UNC5D: variants seen among roughly 807,000 people sequenced by gnomAD.
The protein encoded by UNC5D is unc-5 netrin receptor D, also known as netrin receptor UNC5D.
Under a neutral mutation model 105.4 loss-of-function variants are expected in UNC5D, and 39 were observed. The observed-to-expected ratio is 0.37, with a 90% CI of 0.29 to 0.48. UNC5D has a LOEUF of 0.48. UNC5D is among the 20% of genes least tolerant of loss of function. UNC5D has a pLI of 0.98. For missense variants in UNC5D, 991 were observed against 1,202.4 expected (o/e 0.82, Z 2.60); for synonymous variants, 452 against 450.4 (o/e 1.00, Z -0.04).
At chr8:35,521,315 T>C (rs550702619) in intron 1 of UNC5D, among the ~76,000 whole-genome samples, 1 of 152,146 alleles carries the variant, frequency 6.6e-6, no homozygotes, top group Non-Finnish European at 1.5e-5. Flanking sequence ...TCTGATACTC[T>C]ATGTAAATGA....
At chr8:35,236,955 C>T (rs529497238) in intron 1 of UNC5D, among the ~76,000 whole-genome samples, 1 of 152,230 alleles carries the variant, frequency 6.6e-6, no homozygotes, top group South Asian at 2.1e-4. Context: ...ACTTCACCTG[C>T]TCTGTTCGGT....
intron 2 of UNC5D, among the ~76,000 whole-genome samples, chr8:35,553,355 TAA>T (rs879766092): frequency 7.2e-6 from 1 of 138,972 alleles, no homozygotes. Context: ...TCTACTTCCT[TAA>T]AAAAAAAAAA....
intron 1 of UNC5D, among the ~76,000 whole-genome samples, chr8:35,410,748 G>A (rs770941427): frequency 6.6e-6 from 1 of 152,034 alleles, no homozygotes; most frequent in Admixed American, 6.6e-5. Context: ...GAGTCTCAAA[G>A]AGATTATGTA....
At chr8:35,699,664 C>T (rs1827040054) in intron 7 of UNC5D, among the ~76,000 whole-genome samples, 2 of 152,110 alleles carry the variant, frequency 1.3e-5, no homozygotes, top group South Asian at 4.1e-4. Flanking sequence ...CATGAGTACG[C>T]TCAGATTGCA....
chr8:35,357,037 G>T (rs1801597706), intron 1 of UNC5D, among the ~76,000 whole-genome samples: 1 of 152,012 alleles, frequency 6.6e-6, no homozygotes, highest in African/African-American at 2.4e-5. Context: ...ACTGAACTGT[G>T]GAAAAAGAAA....
At chr8:35,522,313 C>T (rs1174344118) in intron 1 of UNC5D, among the ~76,000 whole-genome samples, 1 of 152,180 alleles carries the variant, frequency 6.6e-6, no homozygotes, top group African/African-American at 2.4e-5. Context: ...CTGATCTAAA[C>T]TCAATTCTCC....
At chr8:35,411,304 C>T (rs1394137637) in intron 1 of UNC5D, among the ~76,000 whole-genome samples, 1 of 152,042 alleles carries the variant, frequency 6.6e-6, no homozygotes, top group Non-Finnish European at 1.5e-5. Context: ...GTTGTTTAAA[C>T]CTGTTGCAAG....
chr8:35,577,716 A>T (rs1563553343), intron 3 of UNC5D, among the ~76,000 whole-genome samples: 1 of 152,228 alleles, frequency 6.6e-6, no homozygotes, highest in Non-Finnish European at 1.5e-5. Context: ...AAAACTGGAT[A>T]TTTATATAAT....
intron 4 of UNC5D, among the ~76,000 whole-genome samples, chr8:35,683,068 C>A (rs1211794651): frequency 6.6e-6 from 1 of 152,226 alleles, no homozygotes; most frequent in African/African-American, 2.4e-5. Context: ...GGTACAATCT[C>A]AAACCTTTAT....
intron 1 of UNC5D, among the ~76,000 whole-genome samples, chr8:35,421,163 C>T (rs1170949403): frequency 6.6e-6 from 1 of 152,140 alleles, no homozygotes; most frequent in Admixed American, 6.5e-5. Context: ...TCTAAACGTG[C>T]CTCAGTGGTT....
intron 1 of UNC5D, among the ~76,000 whole-genome samples, chr8:35,290,056 G>GA (rs2128860122): frequency 6.6e-6 from 1 of 152,228 alleles, no homozygotes; most frequent in Non-Finnish European, 1.5e-5. Flanking sequence ...AGGATATGGA[G>GA]AAAAAGGAAC....
intron 1 of UNC5D, among the ~76,000 whole-genome samples, chr8:35,275,434 T>A (rs1299822544): frequency 6.6e-6 from 1 of 152,220 alleles, no homozygotes; most frequent in East Asian, 1.9e-4. Context: ...CAAGTCAATG[T>A]GGCAAAATGT....
intron 1 of UNC5D, among the ~76,000 whole-genome samples, chr8:35,480,676 T>G (rs949243474): frequency 1.3e-5 from 2 of 152,306 alleles, no homozygotes; most frequent in African/African-American, 4.8e-5. Flanking sequence ...TTTTGAGGCT[T>G]ACATTCTAGC....
At chr8:35,704,463 C>T (rs16884271) in intron 7 of UNC5D, among the ~76,000 whole-genome samples, 46,705 of 152,072 alleles carry the variant, frequency 0.31, 11,462 homozygotes, top group African/African-American at 0.67. Flanking sequence ...AAATGTGTAC[C>T]GTACAGGATT....
At chr8:35,737,657 C>T (rs1338108360) in intron 11 of UNC5D, among the ~76,000 whole-genome samples, 1 of 152,176 alleles carries the variant, frequency 6.6e-6, no homozygotes, top group African/African-American at 2.4e-5. Context: ...ATTATGCCTA[C>T]CTGCTTCATT....
intron 2 of UNC5D, among the ~76,000 whole-genome samples, chr8:35,552,012 GTA>G (rs1173185387): frequency 6.6e-6 from 1 of 152,110 alleles, no homozygotes; most frequent in African/African-American, 2.4e-5. Flanking sequence ...CTGAACTACT[GTA>G]GGATTGCAGT....
At chr8:35,594,182 A>G (rs1231087070) in intron 3 of UNC5D, among the ~76,000 whole-genome samples, 1 of 152,188 alleles carries the variant, frequency 6.6e-6, no homozygotes, top group East Asian at 1.9e-4. Flanking sequence ...TGCCTTATAT[A>G]TACTCATGAA....
chr8:35,388,060 A>G (rs1803536825), intron 1 of UNC5D, among the ~76,000 whole-genome samples: 1 of 152,162 alleles, frequency 6.6e-6, no homozygotes, highest in Admixed American at 6.5e-5. Flanking sequence ...AGACCTGCTC[A>G]GGAATCAGAT....
intron 4 of UNC5D, among the ~76,000 whole-genome samples, chr8:35,601,277 A>G (rs1819864245): frequency 1.3e-5 from 2 of 152,160 alleles, no homozygotes; most frequent in Non-Finnish European, 2.9e-5. Context: ...TGACTTGGCA[A>G]TGTGGGCTCT....
Sources: gnomAD v4.1 joint callset for allele counts (sites outside exome capture counted in the v4.1 genomes callset) on GRCh38, gnomAD v4.1.1 for gene constraint, MANE v1.5 for transcripts, NCBI Gene and HGNC (gene_info 2026-07-23, HGNC 2026-07-21) for gene names.